The following ZCCHC24 variants were observed in gnomAD, a reference collection of about 807,000 sequenced individuals.
The protein encoded by ZCCHC24 is zinc finger CCHC-type containing 24.
A neutral mutation model predicts 26.2 loss-of-function variants in ZCCHC24; 10 were observed. The ratio of observed to expected loss-of-function variants is 0.38; its 90% CI spans 0.24 to 0.65. ZCCHC24 has a LOEUF of 0.65. ZCCHC24 is among the 30% of genes least tolerant of loss of function. The pLI is 0.54. For missense variants in ZCCHC24, 243 were observed against 329.1 expected (o/e 0.74, Z 2.03); for synonymous variants, 144 against 147.1 (o/e 0.98, Z 0.15).
chr10:79,436,725 T>A (rs569977105), intron 1 of ZCCHC24, among the ~76,000 whole-genome samples: 1 of 152,364 alleles, frequency 6.6e-6, no homozygotes, highest in South Asian at 2.1e-4. Flanking sequence ...GGGTAACAGA[T>A]GCCCTAGCGG....
At chr10:79,429,588 TA>T (rs752244076) in intron 2 of ZCCHC24, among the ~76,000 whole-genome samples, 1 of 150,988 alleles carries the variant, frequency 6.6e-6, no homozygotes, top group South Asian at 2.1e-4. Context: ...CTCAAAAAAA[TA>T]AAAAAAAGAG....
intron 3 of ZCCHC24, among the ~76,000 whole-genome samples, chr10:79,390,578 C>T (rs76858666): frequency 4.3e-4 from 66 of 152,322 alleles, no homozygotes; most frequent in African/African-American, 1.2e-3. Flanking sequence ...TCTGTGGGCA[C>T]GGGCTCTGGC....
At chr10:79,444,821 G>A (rs1455987510) in intron 1 of ZCCHC24, among the ~76,000 whole-genome samples, 1 of 152,218 alleles carries the variant, frequency 6.6e-6, no homozygotes, top group Non-Finnish European at 1.5e-5. Context: ...GGCGTGAGAA[G>A]GACACTTCGA....
chr10:79,441,128 G>T (rs1297277979), intron 1 of ZCCHC24, among the ~76,000 whole-genome samples: 1 of 129,556 alleles, frequency 7.7e-6, no homozygotes, highest in African/African-American at 3.4e-5. Context: ...CACAAAGGCT[G>T]CTGGGAACCC....
chr10:79,405,797 A>C (rs979902701), intron 2 of ZCCHC24, among the ~76,000 whole-genome samples: 3 of 152,212 alleles, frequency 2.0e-5, no homozygotes, highest in Non-Finnish European at 4.4e-5. Context: ...AAGGGTGTGC[A>C]GGGTGGCCAA....
chr10:79,406,678 C>A (rs559596393), intron 2 of ZCCHC24, among the ~76,000 whole-genome samples: 3 of 152,212 alleles, frequency 2.0e-5, no homozygotes, highest in Non-Finnish European at 4.4e-5. Context: ...CTCCCTGTAA[C>A]CCCTACAGAT....
chr10:79,424,727 C>T (rs1357191434), intron 2 of ZCCHC24, among the ~76,000 whole-genome samples: 1 of 152,218 alleles, frequency 6.6e-6, no homozygotes, highest in Non-Finnish European at 1.5e-5. Flanking sequence ...TCACACAAGC[C>T]CTTCATCACC....
At chr10:79,409,020 C>T (rs1311406222) in intron 2 of ZCCHC24, 5 of 152,234 alleles carry the variant, frequency 3.3e-5, no homozygotes, top group Admixed American at 3.3e-4. Flanking sequence ...CCAAGCTCGA[C>T]AGGCAAGAAT....
chr10:79,422,320 G>A (rs904609909), intron 2 of ZCCHC24, among the ~76,000 whole-genome samples: 2 of 152,188 alleles, frequency 1.3e-5, no homozygotes, highest in African/African-American at 4.8e-5. Flanking sequence ...GTTGGAATGA[G>A]GGGTTGGAAA....
At chr10:79,400,315 G>A (rs1856611912) in intron 2 of ZCCHC24, among the ~76,000 whole-genome samples, 1 of 152,222 alleles carries the variant, frequency 6.6e-6, no homozygotes, top group Non-Finnish European at 1.5e-5. Flanking sequence ...TGTAAATCTG[G>A]AATGAGCGAA....
chr10:79,408,078 C>T (rs1245043207), intron 2 of ZCCHC24, among the ~76,000 whole-genome samples: 5 of 152,198 alleles, frequency 3.3e-5, no homozygotes, highest in Admixed American at 3.3e-4. Flanking sequence ...GCAGGCACCT[C>T]CTGCCCCCAC....
chr10:79,428,340 A>ATGGT (rs1266316587), intron 2 of ZCCHC24, among the ~76,000 whole-genome samples: 1 of 144,476 alleles, frequency 6.9e-6, no homozygotes, highest in African/African-American at 2.7e-5. Flanking sequence ...AGAAGGTAAA[A>ATGGT]TGGTGGTTGC....
At chr10:79,427,558 G>A (rs1053873865) in intron 2 of ZCCHC24, among the ~76,000 whole-genome samples, 10 of 151,438 alleles carry the variant, frequency 6.6e-5, no homozygotes, top group Non-Finnish European at 1.5e-4. Flanking sequence ...CAAATATGTG[G>A]ATATTAAACA....
intron 2 of ZCCHC24, among the ~76,000 whole-genome samples, chr10:79,412,845 G>A (rs1856810259): frequency 6.6e-6 from 1 of 152,192 alleles, no homozygotes; most frequent in African/African-American, 2.4e-5. Context: ...TAATAAGATC[G>A]ATCAGGCAGG....
chr10:79,438,432 C>T (rs1333708875), intron 1 of ZCCHC24, among the ~76,000 whole-genome samples: 2 of 152,182 alleles, frequency 1.3e-5, no homozygotes, highest in East Asian at 1.9e-4. Context: ...GTGGGCAAGG[C>T]GGGAAGCGAG....
intron 2 of ZCCHC24, among the ~76,000 whole-genome samples, chr10:79,424,026 A>AG (rs998631585): frequency 2.0e-5 from 3 of 149,398 alleles, no homozygotes; most frequent in African/African-American, 7.4e-5. Flanking sequence ...TGAAAAAAAA[A>AG]AAAAAAAAAG....
intron 2 of ZCCHC24, among the ~76,000 whole-genome samples, chr10:79,420,750 G>A (rs754576702): frequency 1.9e-4 from 29 of 151,970 alleles, no homozygotes; most frequent in Non-Finnish European, 3.7e-4. Context: ...TGCAGCCTGG[G>A]CAACAGAGCA....
intron 2 of ZCCHC24, among the ~76,000 whole-genome samples, chr10:79,407,523 T>A (rs1856735197): frequency 6.6e-6 from 1 of 152,162 alleles, no homozygotes; most frequent in South Asian, 2.1e-4. Flanking sequence ...AATCAATAGG[T>A]CTGGGGAGGG....
Position 79,386,404 on chromosome 10 carries a change from G to A in ZCCHC24, c.667C>T (p.Pro223Ser). Residue 223 changes from proline to serine, a missense_variant, in exon 4 of 4, where the codon CCG becomes TCG. Pro to Ser is a moderately conservative substitution (Grantham distance 74). Coordinates refer to ENST00000372336, the MANE Select transcript of ZCCHC24 (RefSeq NM_153367.4). ...LDVSDQSKEH[P>S]QHLCEKCKVL... is the part of the protein sequence containing the mutation. Reference sequence around the variant, plus strand: ...TTGCACTTCTCGCAGAGGTGCTGCGGGTGCTCCTTGCTCTGGTCGGACACG... The same window carrying A: ...TTGCACTTCTCGCAGAGGTGCTGCGAGTGCTCCTTGCTCTGGTCGGACACG... 6.2e-7 allele frequency: 1 copy of A among 1,612,218 alleles called. No individual in the cohort carries two copies. The highest frequency in any genetic ancestry group is 1.1e-5 in the South Asian group (1 of 91,022).
Sources: allele counts gnomAD v4.1 joint callset (sites outside exome capture counted in the v4.1 genomes callset), GRCh38; gene constraint gnomAD v4.1.1; transcripts MANE v1.5; gene names NCBI Gene and HGNC (gene_info 2026-07-23, HGNC 2026-07-21).